Variants in HTT observed in about 807,000 individuals in gnomAD.
HTT encodes huntington disease protein.
In HTT, 104 loss-of-function variants were observed where a neutral mutation model predicts 362.3. The ratio of observed to expected loss-of-function variants is 0.29; its 90% CI spans 0.24 to 0.34. The LOEUF (loss-of-function observed/expected upper bound fraction) is 0.34. HTT is among the 10% of genes least tolerant of loss of function. The pLI, the probability that HTT is intolerant of heterozygous loss-of-function variation, is 1.00. For missense variants in HTT, 3,301 were observed against 3,928.6 expected (o/e 0.84, Z 4.27); for synonymous variants, 1,577 against 1,548.7 (o/e 1.02, Z -0.43).
At position 3,086,533 on chromosome 4, in the gene HTT, C is replaced by T. The variant is rs150566997; in HGVS notation, c.264-406C>T. Among the ~76,000 whole-genome samples, 5 of 152,216 alleles carry T rather than the reference C, an allele frequency of 3.3e-5. No individual in the cohort carries two copies. The East Asian group carries it at 7.7e-4, about 23-fold the overall frequency. ...ATATTTTGAAAAAATTAGCCAGGCCCAGTGGTGCGTGCCTGTGGTCCGCGC... is the reference window on the plus strand; with the variant it reads ...ATATTTTGAAAAAATTAGCCAGGCCTAGTGGTGCGTGCCTGTGGTCCGCGC... On this transcript the variant is annotated intron_variant, in intron 1 of 66. Transcript: ENST00000355072.
At chr4:3,078,140 TCA>T (rs1452977930) in intron 1 of HTT, among the ~76,000 whole-genome samples, 2 of 152,236 alleles carry the variant, frequency 1.3e-5, no homozygotes, top group Non-Finnish European at 2.9e-5. Flanking sequence ...GGGAGGGTCC[TCA>T]CAGTAATTAG....
intron 37 of HTT, among the ~76,000 whole-genome samples, chr4:3,183,079 G>A (rs995167470): frequency 8.5e-5 from 13 of 152,126 alleles, no homozygotes; most frequent in African/African-American, 2.9e-4. Flanking sequence ...ATGAGGTCTC[G>A]CTGTGTTGCC....
At chr4:3,197,446 C>T (rs1719303365) in intron 40 of HTT, among the ~76,000 whole-genome samples, 1 of 152,044 alleles carries the variant, frequency 6.6e-6, no homozygotes, top group African/African-American at 2.4e-5. Flanking sequence ...TTCCTCCTCC[C>T]GCTACCCCAG....
chr4:3,115,715 A>G (rs1028618531), intron 7 of HTT, among the ~76,000 whole-genome samples: 3 of 152,228 alleles, frequency 2.0e-5, no homozygotes, highest in South Asian at 2.1e-4. Flanking sequence ...GTCGGCCATG[A>G]CTATGGTGAG....
rs1712431855 is a variant in HTT at position 3,074,999 on chromosome 4, A to ACAGCCGCTGCTGCCTCAGCCG, written c.182_202dup (p.Leu61_Pro67dup). 17 of 1,449,138 alleles carry ACAGCCGCTGCTGCCTCAGCCG rather than the reference A, an allele frequency of 1.2e-5. 1 individual carries two copies. Among genetic ancestry groups the ACAGCCGCTGCTGCCTCAGCCG allele is most frequent in the Middle Eastern group, 2.4e-4 (1 of 4,094 alleles). 89.8% of individuals were successfully genotyped at this position (1,449,138 alleles called of 1,614,324 possible). A position where few individuals can be genotyped will look rare whatever the true frequency, so the allele number is the denominator to read the frequency against. Reference sequence around the variant, plus strand: ...AGCTTCCTCAGCCGCCGCCGCAGGCACAGCCGCTGCTGCCTCAGCCGCAGC... The same window carrying ACAGCCGCTGCTGCCTCAGCCG: ...AGCTTCCTCAGCCGCCGCCGCAGGCACAGCCGCTGCTGCCTCAGCCGCAGCCGCTGCTGCCTCAGCCGCAGC... On this transcript the variant is annotated inframe_insertion, in exon 1 of 67. Coordinates refer to ENST00000355072, the MANE Select transcript of HTT (RefSeq NM_001388492.1).
At chr4:3,210,167 C>A (rs578023114) in intron 47 of HTT, among the ~76,000 whole-genome samples, 1 of 152,086 alleles carries the variant, frequency 6.6e-6, no homozygotes, top group Non-Finnish European at 1.5e-5. Context: ...TTATGCTGAT[C>A]GAGACAGAAA....
intron 42 of HTT, 98 bp downstream of exon 42, chr4:3,204,246 C>T (rs1484262783): frequency 1.0e-5 from 12 of 1,178,562 alleles, no homozygotes; most frequent in East Asian, 7.1e-5. Flanking sequence ...GAACCCAGAC[C>T]GCCCGGTGTC....
intron 1 of HTT, among the ~76,000 whole-genome samples, chr4:3,079,274 G>C (rs1425532342): frequency 1.4e-5 from 2 of 143,870 alleles, no homozygotes; most frequent in African/African-American, 2.7e-5. Context: ...TTTGGGGTTG[G>C]GGGGCAAGGT....
intron 26 of HTT, among the ~76,000 whole-genome samples, chr4:3,149,326 T>G (rs1232472955): frequency 6.7e-6 from 1 of 149,988 alleles, no homozygotes; most frequent in Admixed American, 6.6e-5. Flanking sequence ...AGATGGAGTT[T>G]CATTCTTGTT....
intron 1 of HTT, among the ~76,000 whole-genome samples, chr4:3,082,757 T>A (rs947663144): frequency 1.3e-5 from 2 of 152,142 alleles, no homozygotes; most frequent in Non-Finnish European, 2.9e-5. Context: ...CAGGTGTAGC[T>A]GAGGTGGCCT....
chr4:3,132,767 A>G, intron 17 of HTT, 47 bp downstream of exon 17: 2 of 1,613,098 alleles, frequency 1.2e-6, no homozygotes, highest in Non-Finnish European at 8.5e-7. Flanking sequence ...ATGCTTACTA[A>G]GGTTTAAGTT....
chr4:3,197,007 A>G (rs1336306960), intron 40 of HTT, among the ~76,000 whole-genome samples: 2 of 152,064 alleles, frequency 1.3e-5, no homozygotes, highest in African/African-American at 4.8e-5. Context: ...CTTTACTAAA[A>G]AGGCCTTTGC....
chr4:3,188,848 A>G, intron 39 of HTT, 103 bp from the exon 40 acceptor site: 2 of 1,146,324 alleles, frequency 1.7e-6, no homozygotes, highest in Admixed American at 2.1e-5. Flanking sequence ...TACTCTACCT[A>G]TATTTTTACT....
rs373377741 is a variant in HTT at position 3,238,597 on chromosome 4, C to T, written c.9042C>T (p.Thr3014=). 3.1e-6 allele frequency: 5 copies of T among 1,608,642 alleles called. No homozygotes were observed. The highest frequency in any genetic ancestry group is 3.4e-6 in the Non-Finnish European group (4 of 1,177,286). ...AGCCATACCCCCAGTTCATGGCCAC[C>T]GTGGTGTATAAGGTGAGGTTGCATG... is the stretch of plus-strand genomic sequence containing the variant. ...NQQPYPQFMA[T]VVYKVFQTLH... is the part of the protein sequence containing the mutation. Residue 3014 remains threonine (T), a synonymous_variant, in exon 65 of 67, where the codon ACC becomes ACT. Transcript: ENST00000355072.
chr4:3,132,858 A>T lies in HTT; in HGVS notation c.2440A>T (p.Thr814Ser), dbSNP rs1461892622. ...LADCIPLLRK[T>S]LKDESSVTCK... ...GGATTGCATTCCTTTGCTGCGGAAA[A>T]CACTGAAGGATGAGTCTTCTGTTAC... The change falls in exon 18 of 67, where the codon ACA (threonine) becomes TCA (serine). Residue 814 changes from threonine (T) to serine (S), a missense_variant. Thr to Ser is a moderately conservative substitution (Grantham distance 58). This residue lies in a region of HTT where 2,316 missense variants were observed against 2,658.5 expected (regional missense o/e 0.87). Coordinates refer to ENST00000355072, the MANE Select transcript of HTT (RefSeq NM_001388492.1). 3.1e-6 allele frequency: 5 copies of T among 1,614,162 alleles called. No individual in the cohort carries two copies. The highest frequency in any genetic ancestry group is 4.2e-6 in the Non-Finnish European group (5 of 1,180,004).
chr4:3,219,599 C>T (rs362323), intron 52 of HTT, among the ~76,000 whole-genome samples: 20,747 of 152,048 alleles, frequency 0.14, 1,780 homozygotes, highest in African/African-American at 0.25. Context: ...TGTGGGAATC[C>T]TGGGGTTCCG....
intron 40 of HTT, among the ~76,000 whole-genome samples, chr4:3,190,687 A>G (rs955943164): frequency 2.6e-5 from 4 of 152,208 alleles, no homozygotes; most frequent in Admixed American, 1.3e-4. Context: ...GATCGAGACC[A>G]TGTCTCTAGA....
At chr4:3,166,153 T>C (rs1294360392) in intron 29 of HTT, among the ~76,000 whole-genome samples, 1 of 152,218 alleles carries the variant, frequency 6.6e-6, no homozygotes, top group Non-Finnish European at 1.5e-5. Flanking sequence ...TTAGTTTTCC[T>C]TCTAACAGAC....
At chr4:3,134,683 C>T (rs1715978850) in intron 19 of HTT, 143 bp downstream of exon 19, 8 of 673,174 alleles carry the variant, frequency 1.2e-5, no homozygotes, top group Non-Finnish European at 1.7e-5. Flanking sequence ...ATTTTCTCCT[C>T]CCAGTGGCTT....
Sources: gnomAD v4.1 joint callset for allele counts (sites outside exome capture counted in the v4.1 genomes callset) on GRCh38, gnomAD v4.1.1 for gene constraint, gnomAD v4.1.1 regional missense constraint, MANE v1.5 for transcripts, NCBI Gene and HGNC (gene_info 2026-07-23, HGNC 2026-07-21) for gene names.